TUBB8B: variants seen among roughly 807,000 people sequenced by gnomAD.
TUBB8B encodes HSA18p11 beta-tubulin 4Q pseudogene.
Under a neutral mutation model 31.9 loss-of-function variants are expected in TUBB8B, and 26 were observed. That is an observed-to-expected ratio of 0.81 (90% CI 0.60 to 1.13). TUBB8B has a LOEUF of 1.13. Among genes scored for constraint, TUBB8B ranks in the 50% most tolerant of loss-of-function variants. The probability of loss-of-function intolerance (pLI) is 0.00; values close to 1 mark genes in which losing one functional copy is unlikely to be tolerated. For synonymous variants in TUBB8B, 173 were observed against 231.0 expected (o/e 0.75, Z 2.28); for missense variants, 467 against 586.7 (o/e 0.80, Z 2.11).
the TUBB8B span, among the ~76,000 whole-genome samples, chr18:64,131 C>G: frequency 1.3e-5 from 2 of 152,138 alleles, no homozygotes; most frequent in African/African-American, 2.4e-5. Flanking sequence ...CACTAACCAT[C>G]TAACCCTTCT....
the TUBB8B span, among the ~76,000 whole-genome samples, chr18:72,196 A>AAAAAAAAAAAAAAAACAAAC: frequency 1.2e-5 from 1 of 84,534 alleles, no homozygotes; most frequent in Non-Finnish European, 2.4e-5. Flanking sequence ...AAAAAAAAAA[A>AAAAAAAAAAAAAAAACAAAC]AAAGGAAAAA....
At chr18:73,513 G>C in the TUBB8B span, 1 of 153,470 alleles carries the variant, frequency 6.5e-6, no homozygotes, top group East Asian at 1.9e-4. Context: ...GTTCGGACAC[G>C]GTTCGCGCGC....
upstream of TUBB8B, among the ~76,000 whole-genome samples, chr18:53,554 T>C (rs1906190812): frequency 6.6e-6 from 1 of 151,834 alleles, no homozygotes; most frequent in South Asian, 2.1e-4. Context: ...CTGAAACCTC[T>C]GCCTCCCGGG....
At chr18:51,856 A>C (rs1420463413), upstream of TUBB8B, among the ~76,000 whole-genome samples, 1 of 151,582 alleles carries the variant, frequency 6.6e-6, no homozygotes, top group Non-Finnish European at 1.5e-5. Flanking sequence ...AGTCAATTAA[A>C]CCTCTTTTTT....
At chr18:49,923 C>A, upstream of TUBB8B, 1 of 482,444 alleles carries the variant, frequency 2.1e-6, no homozygotes, top group Non-Finnish European at 4.1e-6. Context: ...GCACGGAGTG[C>A]CTTTGCACCT....
chr18:59,165 C>A, the TUBB8B span, among the ~76,000 whole-genome samples: 1 of 151,836 alleles, frequency 6.6e-6, no homozygotes, highest in Admixed American at 6.6e-5. Context: ...CACATTAAAA[C>A]CCTATCAGAG....
At chr18:58,953 G>T in the TUBB8B span, among the ~76,000 whole-genome samples, 4 of 151,670 alleles carry the variant, frequency 2.6e-5, no homozygotes, top group Non-Finnish European at 2.9e-5. Context: ...ACATCATAGG[G>T]CAAAAAGCAG....
the TUBB8B span, among the ~76,000 whole-genome samples, chr18:71,568 T>TAAAA: frequency 1.8e-4 from 14 of 78,466 alleles, 2 homozygotes; most frequent in African/African-American, 4.6e-4. Context: ...AAAAAAAAAT[T>TAAAA]TAAAAAAAAA....
the TUBB8B span, among the ~76,000 whole-genome samples, chr18:62,355 G>T: frequency 1.3e-5 from 2 of 150,382 alleles, no homozygotes; most frequent in Non-Finnish European, 3.0e-5. Context: ...TAACTTTCTT[G>T]TACTTGAATG....
At chr18:64,166 C>G in the TUBB8B span, among the ~76,000 whole-genome samples, 1 of 152,082 alleles carries the variant, frequency 6.6e-6, no homozygotes, top group Non-Finnish European at 1.5e-5. Flanking sequence ...TAACCATTAC[C>G]CCAACCCTAA....
chr18:71,708 A>T, the TUBB8B span, among the ~76,000 whole-genome samples: 1 of 150,766 alleles, frequency 6.6e-6, no homozygotes, highest in Admixed American at 6.6e-5. Flanking sequence ...ACATGGTGAA[A>T]CCCCACCTCT....
In TUBB8B at chr18:47,501, G is replaced by A; in HGVS notation, c.1224C>T (p.Phe408=). Residue 408 remains phenylalanine (F), a synonymous_variant, in exon 4 of 4, where the codon TTC becomes TTT. Transcript: ENST00000308911. ...CGTTCATGTTGCTCTCGGCCTCGGT[G>A]AATTCCATCTCATCCATGCCCTCGC... ...YTGEGMDEME[F]TEAESNMNDL... is the part of the protein sequence containing the mutation. 4 of 1,581,710 alleles carry A rather than the reference G, an allele frequency of 2.5e-6. No individual in the cohort carries two copies. The highest frequency in any genetic ancestry group is 3.5e-6 in the Non-Finnish European group (4 of 1,152,860).
In TUBB8B at chr18:47,790, G is replaced by A. The variant is rs771722703; in HGVS notation, c.935C>T (p.Thr312Met). ...ACDPRHGCYLTVAAIFRGRMP... is the reference protein window; with the variant it reads ...ACDPRHGCYLMVAAIFRGRMP... ...GCGACCCCTGAAAATGGCAGCCACCGTTAGGTAGCAGCCGTGACGGGGGTC... is the reference window on the plus strand; with the variant it reads ...GCGACCCCTGAAAATGGCAGCCACCATTAGGTAGCAGCCGTGACGGGGGTC... Residue 312 changes from threonine to methionine, a missense_variant, in exon 4 of 4, where the codon ACG becomes ATG. Thr to Met is a moderately conservative substitution (Grantham distance 81). Coordinates refer to ENST00000308911, the MANE Select transcript of TUBB8B (RefSeq NM_001358689.2). 1,116 of 1,611,320 alleles carry A rather than the reference G, an allele frequency of 6.9e-4. 8 individuals carry two copies. Among genetic ancestry groups the A allele is most frequent in the Non-Finnish European group, 8.6e-4 (1,017 of 1,179,440 alleles).
chr18:63,304 T>A, the TUBB8B span, among the ~76,000 whole-genome samples: 1 of 151,864 alleles, frequency 6.6e-6, no homozygotes, highest in African/African-American at 2.4e-5. Flanking sequence ...TCAAAGAGAC[T>A]TAGGTCCCAA....
At chr18:53,906 A>T (rs1906201962), upstream of TUBB8B, among the ~76,000 whole-genome samples, 1 of 151,784 alleles carries the variant, frequency 6.6e-6, no homozygotes, top group South Asian at 2.1e-4. Context: ...TTACAATGGA[A>T]ACCAAATCAA....
At chr18:51,631 A>G (rs78173245), upstream of TUBB8B, among the ~76,000 whole-genome samples, 683 of 108,130 alleles carry the variant, frequency 6.3e-3, no homozygotes, top group Non-Finnish European at 8.3e-3. Context: ...GTATAGACGG[A>G]GTTTCACCAT....
In TUBB8B at chr18:47,808, C is replaced by A; in HGVS notation, c.917G>T (p.Arg306Leu). ...AKNMMAACDP[R>L]HGCYLTVAAI... is the part of the protein sequence containing the mutation. ...AGCCACCGTTAGGTAGCAGCCGTGA[C>A]GGGGGTCACAGGCAGCCATCATGTT... is the stretch of plus-strand genomic sequence containing the variant. Residue 306 changes from arginine to leucine, a missense_variant, in exon 4 of 4, where the codon CGT (arginine) becomes CTT (leucine). By Grantham distance (102) the Arg-to-Leu change is moderately radical. This residue lies in a region of TUBB8B where 208 missense variants were observed against 206.7 expected (regional missense o/e 1.01). Transcript: ENST00000308911. The A allele has an allele frequency of 6.2e-7, 1 of 1,611,822 alleles. No individual in the cohort carries two copies. Among genetic ancestry groups the A allele is most frequent in the South Asian group, 1.1e-5 (1 of 91,004 alleles).
At chr18:63,664 C>A in the TUBB8B span, among the ~76,000 whole-genome samples, 1 of 149,008 alleles carries the variant, frequency 6.7e-6, no homozygotes, top group East Asian at 2.0e-4. Context: ...CTAGCCCTAG[C>A]CTTAGCCCTA....
Position 47,281 on chromosome 18 carries a change from C to G in TUBB8B, c.*109G>C. 1.7e-6 allele frequency: 1 copy of G among 579,208 alleles called. No homozygotes were observed. Among genetic ancestry groups the G allele is most frequent in the Admixed American group, 3.1e-5 (1 of 31,766 alleles). The allele number at this position is 579,208 out of a possible 1,614,324, so 35.9% of individuals were successfully genotyped here. A position where few individuals can be genotyped will look rare whatever the true frequency, so the allele number is the denominator to read the frequency against. The stretch of plus-strand genomic sequence containing the variant: ...CATACTATAAAAATGCTTTAAAACG[C>G]AGCAGGAGATGTGAAGACACAAATT... On this transcript the variant is annotated 3_prime_UTR_variant, in exon 4 of 4. Coordinates refer to ENST00000308911, the MANE Select transcript of TUBB8B (RefSeq NM_001358689.2).
Sources: gnomAD v4.1 joint callset for allele counts (sites outside exome capture counted in the v4.1 genomes callset) on GRCh38, gnomAD v4.1.1 for gene constraint, gnomAD v4.1.1 regional missense constraint, MANE v1.5 for transcripts, NCBI Gene and HGNC (gene_info 2026-07-23, HGNC 2026-07-21) for gene names.